The following TNS2 variants were observed in gnomAD, a reference collection of about 807,000 sequenced individuals.
TNS2 encodes the protein tensin 2.
Under a neutral mutation model 155.7 loss-of-function variants are expected in TNS2, and 77 were observed. That is an observed-to-expected ratio of 0.49 (90% CI 0.41 to 0.60). The LOEUF (loss-of-function observed/expected upper bound fraction) is 0.60. TNS2 is among the 20% of genes least tolerant of loss of function. The pLI is 0.00. For missense variants in TNS2, 1,703 were observed against 1,868.8 expected, an observed-to-expected ratio of 0.91 and a Z score of 1.64; for synonymous variants, 726 against 763.9, an observed-to-expected ratio of 0.95 and a Z score of 0.82.
rs1270924213 is a variant in TNS2, at chr12:53,053,413, G to A, written c.225G>A (p.Val75=). Residue 75 remains valine (V), a splice_region_variant and synonymous_variant, in exon 4 of 29, where the codon GTG becomes GTA. Transcript: ENST00000314250. ...TTCCTTACTCGGTCCCCTTCCAGGTGACTTCAGCCTGTCAGGCCTTGCCTC... is the reference window on the plus strand; with the variant it reads ...TTCCTTACTCGGTCCCCTTCCAGGTAACTTCAGCCTGTCAGGCCTTGCCTC... ...VATHRKCEAK[V]TSACQALPPV... is the part of the protein sequence containing the mutation. 12 of 1,613,908 alleles carry A rather than the reference G, an allele frequency of 7.4e-6. No homozygotes were observed. The highest frequency in any genetic ancestry group is 1.3e-5 in the African/African-American group (1 of 74,886).
chr12:53,058,683 T>C (rs1300700488), intron 16 of TNS2, 31 bp from the exon 17 acceptor site: 3 of 1,613,846 alleles, frequency 1.9e-6, no homozygotes, highest in Non-Finnish European at 2.5e-6. Flanking sequence ...GCCTCTCCCC[T>C]GCTCCCCAAT....
upstream of TNS2, among the ~76,000 whole-genome samples, chr12:53,049,588 A>G (rs1943849832): frequency 6.6e-6 from 1 of 152,092 alleles, no homozygotes; most frequent in Admixed American, 6.5e-5. Flanking sequence ...AAACTGAGAC[A>G]GGAAGGGGGC....
intron 15 of TNS2, 48 bp from the exon 16 acceptor site, chr12:53,058,524 G>A: frequency 6.8e-6 from 11 of 1,613,584 alleles, no homozygotes; most frequent in Non-Finnish European, 9.3e-6. Flanking sequence ...AGGCAGGAGA[G>A]TGTGGTATGG....
rs372122149 is a variant in TNS2, at chr12:53,055,222, C to T, written c.559C>T (p.Arg187Cys). Residue 187 changes from arginine (R) to cysteine (C), a missense_variant, in exon 8 of 29, where the codon CGC (arginine) becomes TGC (cysteine). Transcript: ENST00000314250. ...NLSEKRHDLT[R>C]LNPKVQDFGW... ...TTCAGAGAAAAGGCATGACCTGACCCGCTTAAACCCCAAGGTATGAAGGAA... is the reference window on the plus strand; with the variant it reads ...TTCAGAGAAAAGGCATGACCTGACCTGCTTAAACCCCAAGGTATGAAGGAA... 8.1e-6 allele frequency: 13 copies of T among 1,613,894 alleles called. No individual in the cohort carries two copies. Among genetic ancestry groups the T allele is most frequent in the East Asian group, 2.2e-5 (1 of 44,882 alleles).
At position 53,062,633 on chromosome 12, in the gene TNS2, GACCCCAGAGGCTCCAGTGCCC is replaced by G; in HGVS notation, c.3763_3783del (p.Pro1255_Thr1261del). 1 of 1,614,040 alleles carries G rather than the reference GACCCCAGAGGCTCCAGTGCCC, an allele frequency of 6.2e-7. No homozygotes were observed. The highest frequency in any genetic ancestry group is 8.5e-7 in the Non-Finnish European group (1 of 1,179,966). On this transcript the variant is annotated inframe_deletion, in exon 25 of 29. Transcript: ENST00000314250. ...CATTGCCCTCAGATCCTCTGGAAGA[GACCCCAGAGGCTCCAGTGCCC>G]ACCAACATGAGCACAGCGGCAGACC...
chr12:53,061,951 C>T lies in TNS2; in HGVS notation c.3574+11C>T. On this transcript the variant is annotated intron_variant, in intron 22 of 28. Coordinates refer to ENST00000314250, the MANE Select transcript of TNS2 (RefSeq NM_170754.4). ...CCCAGCCCTGGAAAGGTACAGAACA[C>T]CCAAACCTGAGTGGGGTGGGGATGA... The T allele has an allele frequency of 6.2e-7, 1 of 1,610,114 alleles. No individual in the cohort carries two copies. The highest frequency in any genetic ancestry group is 8.5e-7 in the Non-Finnish European group (1 of 1,177,954).
At chr12:53,054,192 AACAG>A in intron 6 of TNS2, 74 bp from the exon 7 acceptor site, 1 of 1,599,262 alleles carries the variant, frequency 6.3e-7, no homozygotes, top group Non-Finnish European at 8.5e-7. Context: ...CCTGCTGCCC[AACAG>A]ACAGCCTTCC....
At chr12:53,047,643 C>T (rs1260794893), upstream of TNS2, among the ~76,000 whole-genome samples, 1 of 151,874 alleles carries the variant, frequency 6.6e-6, no homozygotes, top group African/African-American at 2.4e-5. Context: ...GCGCACGGGG[C>T]CGCACGCCGT....
Position 53,063,775 on chromosome 12 carries a change from A to G in TNS2, c.4123A>G (p.Ser1375Gly), listed in dbSNP as rs752121224. The G allele has an allele frequency of 1.2e-6, 2 of 1,614,132 alleles. No individual in the cohort carries two copies. Among genetic ancestry groups the G allele is most frequent in the Non-Finnish European group, 1.7e-6 (2 of 1,180,016 alleles). ...IFGFVAKKPG[S>G]PWENVCHLFA... ...TGGTTTCGTGGCCAAGAAGCCGGGA[A>G]GCCCCTGGGAGAATGTGTGTCACCT... The change falls in exon 29 of 29, where the codon AGC becomes GGC. Residue 1375 changes from serine (S) to glycine (G), a missense_variant. Coordinates refer to ENST00000314250, the MANE Select transcript of TNS2 (RefSeq NM_170754.4). The surrounding 1 kb of genome is among the most constrained non-coding windows in gnomAD (Gnocchi z 5.6).
chr12:53,062,768 G>T, intron 25 of TNS2, 71 bp downstream of exon 25: 1 of 1,557,296 alleles, frequency 6.4e-7, no homozygotes, highest in Non-Finnish European at 8.8e-7. Context: ...CAGGGCATGG[G>T]GCACTGAAAG....
rs1944241394 is a variant in TNS2, at chr12:53,058,454, G to C, written c.1225+9G>C. ...TGACGAGGCCTGGACTGGTGAGTCT[G>C]AGACAAGTGGCCTGGGGCTGGAGTC... On this transcript the variant is annotated intron_variant, in intron 15 of 28. Transcript: ENST00000314250. 1 of 1,614,042 alleles carries C rather than the reference G, an allele frequency of 6.2e-7. No individual in the cohort carries two copies. Among genetic ancestry groups the C allele is most frequent in the African/African-American group, 1.3e-5 (1 of 74,924 alleles).
Position 53,063,309 on chromosome 12 carries a change from A to C in TNS2, c.3993-40A>C. 6.2e-7 allele frequency: 1 copy of C among 1,613,856 alleles called. No homozygotes were observed. The highest frequency in any genetic ancestry group is 8.5e-7 in the Non-Finnish European group (1 of 1,179,926). On this transcript the variant is annotated intron_variant, in intron 26 of 28. Transcript: ENST00000314250. This position sits in a 1 kb window ranked among gnomAD's most constrained non-coding sequence, Gnocchi z 5.6. ...CCATGCTTAAGGCCCCTGGGGGCTC[A>C]TGTTTCTGAGTGTGACCTTCCTCAC...
rs1944043346 is a variant in TNS2 at position 53,054,194 on chromosome 12, C to T, written c.351-76C>T. 3.1e-6 allele frequency: 5 copies of T among 1,600,896 alleles called. No homozygotes were observed. In the East Asian group the frequency reaches 6.7e-5, roughly 21 times the overall value. ...CCAGCAGGCTTCACCTGCTGCCCAA[C>T]AGACAGCCTTCCCGTCACACTAGCC... On this transcript the variant is annotated intron_variant, in intron 6 of 28. Transcript: ENST00000314250.
Position 53,064,104 on chromosome 12 carries a change from CA to C in TNS2, c.*223del. 1 of 563,996 alleles carries C rather than the reference CA, an allele frequency of 1.8e-6. No individual in the cohort carries two copies. The highest frequency in any genetic ancestry group is 3.1e-6 in the Non-Finnish European group (1 of 321,304). The allele number at this position is 563,996 out of a possible 1,614,324, so 34.9% of individuals were successfully genotyped here. A position where few individuals can be genotyped will look rare whatever the true frequency, so the allele number is the denominator to read the frequency against. ...GATGACCTTGCATGTGAGCAGATGG[CA>C]GAGATGGGTGTGTGAGGGGTGAGGA... On this transcript the variant is annotated 3_prime_UTR_variant, in exon 29 of 29. Transcript: ENST00000314250.
At position 53,063,542 on chromosome 12, in the gene TNS2, C is replaced by T; in HGVS notation, c.4062-21C>T. ...AGCTGTCCCCTGGGGTGTGCATCTT[C>T]ACCTTCTTCTCCTTCTGCAGATGGA... On this transcript the variant is annotated intron_variant, in intron 27 of 28. Transcript: ENST00000314250. This position sits in a 1 kb window ranked among gnomAD's most constrained non-coding sequence, Gnocchi z 5.6. 1 of 1,592,876 alleles carries T rather than the reference C, an allele frequency of 6.3e-7. No homozygotes were observed.
At chr12:53,061,287 G>A (rs746201677) in intron 20 of TNS2, 23 bp downstream of exon 20, 7 of 1,598,196 alleles carry the variant, frequency 4.4e-6, no homozygotes, top group Non-Finnish European at 6.0e-6. Flanking sequence ...TGAGGGGGTT[G>A]GTGCCACCTT....
In TNS2 at chr12:53,050,295, A is replaced by C; in HGVS notation, c.75+35A>C. 1 of 1,561,412 alleles carries C rather than the reference A, an allele frequency of 6.4e-7. No homozygotes were observed. The highest frequency in any genetic ancestry group is 8.7e-7 in the Non-Finnish European group (1 of 1,151,126). The stretch of plus-strand genomic sequence containing the variant: ...CCCACCAGCTGGGCAAAAGAGGGGC[A>C]GGGGTGGAGGTGCGGGCAGTGGGGG... On this transcript the variant is annotated intron_variant, in intron 1 of 28. Transcript: ENST00000314250. The surrounding 1 kb of genome is among the most constrained non-coding windows in gnomAD (Gnocchi z 4.7).
chr12:53,064,199 G>C lies in TNS2; in HGVS notation c.*317G>C, dbSNP rs1944473469. The C allele has an allele frequency of 6.0e-6, 2 of 335,364 alleles. No homozygotes were observed. Among genetic ancestry groups the C allele is most frequent in the South Asian group, 8.6e-5 (2 of 23,252 alleles). 20.8% of individuals were successfully genotyped at this position (335,364 alleles called of 1,614,324 possible). On this transcript the variant is annotated 3_prime_UTR_variant, in exon 29 of 29. Transcript: ENST00000314250. ...TGCAGGAGAACGTCAGCCCTCCAGG[G>C]GATCAGCCCCTGCCAGTTCCACCCA...
chr12:53,048,463 C>T (rs753568298), upstream of TNS2, among the ~76,000 whole-genome samples: 1 of 152,252 alleles, frequency 6.6e-6, no homozygotes, highest in Non-Finnish European at 1.5e-5. Context: ...CCACTGCCCA[C>T]CTTGTCACAC....
Sources: gnomAD v4.1 joint callset for allele counts (sites outside exome capture counted in the v4.1 genomes callset) on GRCh38, gnomAD v4.1.1 for gene constraint, Gnocchi (gnomAD v3.1) non-coding constraint, MANE v1.5 for transcripts, NCBI Gene and HGNC (gene_info 2026-07-23, HGNC 2026-07-21) for gene names.